The following NYAP2 variants were observed in gnomAD, a reference collection of about 807,000 sequenced individuals.
NYAP2 encodes the protein neuronal tyrosine-phosphorylated phosphoinositide-3-kinase adaptor 2, also known as neuronal tyrosine-phosphorylated phosphoinositide-3-kinase adapter 2.
NYAP2 carries 23 observed loss-of-function variants against 50.4 expected under a neutral mutation model. The ratio of observed to expected loss-of-function variants is 0.46; its 90% CI spans 0.33 to 0.65. The LOEUF is 0.65. NYAP2 is among the 30% of genes least tolerant of loss of function. NYAP2 has a pLI of 0.02. For missense variants in NYAP2, 885 were observed against 861.0 expected (o/e 1.03, Z -0.35); for synonymous variants, 394 against 365.2 (o/e 1.08, Z -0.90).
At chr2:225,449,770 G>A (rs1040202779) in intron 3 of NYAP2, among the ~76,000 whole-genome samples, 4 of 151,596 alleles carry the variant, frequency 2.6e-5, no homozygotes, top group Middle Eastern at 3.4e-3. Flanking sequence ...CACCACACCC[G>A]GCTAACTTTG....
intron 4 of NYAP2, among the ~76,000 whole-genome samples, chr2:225,551,724 A>G (rs1691680946): frequency 6.6e-6 from 1 of 152,220 alleles, no homozygotes; most frequent in Non-Finnish European, 1.5e-5. Context: ...AAGGTATTGG[A>G]CACTGGTCTT....
rs569103982 is a variant in NYAP2 at position 225,519,052 on chromosome 2, A to G, written c.523+5380A>G. ...TAAAATGAAAATAAGGAAAAGGAGC[A>G]AAAAGAATTGCACAATGGCCCAAAT... On this transcript the variant is annotated intron_variant, in intron 4 of 6. Coordinates refer to ENST00000636099, the Ensembl canonical transcript of NYAP2. 8.5e-5 allele frequency among the ~76,000 whole-genome samples: 13 copies of G among 152,104 alleles called. No homozygotes were observed. The South Asian group carries it at 2.3e-3, about 27-fold the overall frequency.
intron 4 of NYAP2, among the ~76,000 whole-genome samples, chr2:225,535,141 G>A (rs1367719279): frequency 6.6e-6 from 1 of 152,232 alleles, no homozygotes; most frequent in Non-Finnish European, 1.5e-5. Flanking sequence ...TTCTGCAGCA[G>A]CTGAGCATGG....
intron 3 of NYAP2, among the ~76,000 whole-genome samples, chr2:225,444,526 C>T (rs1034842704): frequency 2.0e-5 from 3 of 152,082 alleles, no homozygotes; most frequent in African/African-American, 4.8e-5. Flanking sequence ...CACACACAGA[C>T]GTGACACAGT....
At chr2:225,542,206 A>T (rs1691486774) in intron 4 of NYAP2, among the ~76,000 whole-genome samples, 1 of 152,146 alleles carries the variant, frequency 6.6e-6, no homozygotes, top group Admixed American at 6.5e-5. Context: ...GGGTCATATC[A>T]TCTGAAAACA....
At chr2:225,455,366 T>C (rs7601055) in intron 3 of NYAP2, among the ~76,000 whole-genome samples, 25,384 of 152,208 alleles carry the variant, frequency 0.17, 4,542 homozygotes, top group African/African-American at 0.45. Context: ...GCACCTCTAA[T>C]CTATATCCAT....
At chr2:225,434,200 A>T (rs1344886411) in intron 3 of NYAP2, among the ~76,000 whole-genome samples, 7 of 152,168 alleles carry the variant, frequency 4.6e-5, no homozygotes, top group Admixed American at 1.3e-4. Flanking sequence ...AATAGGTAAG[A>T]TTGGGAGCTG....
intron 3 of NYAP2, among the ~76,000 whole-genome samples, chr2:225,411,925 A>G (rs139335293): frequency 1.9e-3 from 289 of 151,186 alleles, no homozygotes; most frequent in African/African-American, 6.5e-3. Context: ...TTGAAGCATA[A>G]TATAAATAAT....
chr2:225,507,070 C>A (rs1690720223), intron 3 of NYAP2, among the ~76,000 whole-genome samples: 1 of 152,132 alleles, frequency 6.6e-6, no homozygotes, highest in East Asian at 1.9e-4. Flanking sequence ...TCCTAGGCAA[C>A]CCTTCAGTTT....
At chr2:225,400,725 G>A (rs1346556193) in exon 2 of NYAP2, 1 of 152,042 alleles carries the variant, frequency 6.6e-6, no homozygotes, top group East Asian at 1.9e-4. Context: ...TCTTTTCTCC[G>A]AATGTCGATT....
intron 4 of NYAP2, among the ~76,000 whole-genome samples, chr2:225,536,122 T>C (rs997536940): frequency 6.6e-6 from 1 of 152,236 alleles, no homozygotes; most frequent in African/African-American, 2.4e-5. Flanking sequence ...AGGCTGTATT[T>C]CACCTTCATA....
At chr2:225,652,833 G>A (rs1693758874) in exon 7 of NYAP2, 2 of 152,134 alleles carry the variant, frequency 1.3e-5, no homozygotes, top group East Asian at 3.8e-4. Context: ...GAGAGACATT[G>A]TGCCTCTTAG....
chr2:225,555,441 G>A (rs1192987782), intron 4 of NYAP2, among the ~76,000 whole-genome samples: 1 of 151,988 alleles, frequency 6.6e-6, no homozygotes, highest in Non-Finnish European at 1.5e-5. Context: ...ATTCTATGTT[G>A]TTAAAATCTC....
intron 4 of NYAP2, among the ~76,000 whole-genome samples, chr2:225,522,253 C>T (rs1415602204): frequency 1.3e-5 from 2 of 152,076 alleles, no homozygotes; most frequent in African/African-American, 4.8e-5. Flanking sequence ...TTCCTACCTT[C>T]CATTTGTTAT....
rs920201602 is a variant in NYAP2, at chr2:225,626,129, G to A, written c.1619-788G>A. Among the ~76,000 whole-genome samples the A allele has an allele frequency of 2.6e-5, 4 of 152,236 alleles. 1 individual carries two copies. In the South Asian group the frequency reaches 8.3e-4, roughly 31 times the overall value. ...AGTTTAATAAGAAATTATCAGTTCA[G>A]TATCTGAAATGTTCATATGGGGACT... On this transcript the variant is annotated intron_variant, in intron 5 of 6. Transcript: ENST00000636099.
chr2:225,475,151 G>T (rs1690081808), intron 3 of NYAP2, among the ~76,000 whole-genome samples: 1 of 152,154 alleles, frequency 6.6e-6, no homozygotes. Flanking sequence ...CATAAATGAA[G>T]CAAACAAATG....
In NYAP2 at chr2:225,518,542, AT is replaced by A. The variant is rs1559202459; in HGVS notation, c.523+4871del. Among the ~76,000 whole-genome samples the A allele has an allele frequency of 1.2e-3, 82 of 67,658 alleles. 4 individuals are homozygous for A. Among genetic ancestry groups the A allele is most frequent in the African/African-American group, 3.8e-3 (71 of 18,472 alleles). The allele number at this position is 67,658 out of a possible 152,430, so 44.4% of individuals were successfully genotyped here. A position where few individuals can be genotyped will look rare whatever the true frequency, so the allele number is the denominator to read the frequency against. ...AGCTAATATATATATATATATATAT[AT>A]ATATATATATATATATATATATATA... On this transcript the variant is annotated intron_variant, in intron 4 of 6. Transcript: ENST00000636099.
chr2:225,412,953 T>C (rs960326847), intron 3 of NYAP2, among the ~76,000 whole-genome samples: 2 of 152,128 alleles, frequency 1.3e-5, no homozygotes, highest in African/African-American at 4.8e-5. Context: ...GAGACAGTCA[T>C]TTGCGGGCCA....
chr2:225,656,804 C>G (rs908126507), downstream of NYAP2, among the ~76,000 whole-genome samples: 4 of 152,098 alleles, frequency 2.6e-5, no homozygotes, highest in Admixed American at 1.3e-4. Context: ...CCTCCAATGC[C>G]CAGCGCAAAG....
Sources: allele counts gnomAD v4.1 joint callset (sites outside exome capture counted in the v4.1 genomes callset), GRCh38; gene constraint gnomAD v4.1.1; transcripts MANE v1.5; gene names NCBI Gene and HGNC (gene_info 2026-07-23, HGNC 2026-07-21).